TRAPPC9: variants seen among roughly 807,000 people sequenced by gnomAD.
TRAPPC9 encodes the protein IKK2 binding protein.
Under a neutral mutation model 124.0 loss-of-function variants are expected in TRAPPC9, and 83 were observed. The ratio of observed to expected loss-of-function variants is 0.67; its 90% CI spans 0.56 to 0.80. The LOEUF (loss-of-function observed/expected upper bound fraction) is 0.80. Among genes scored for constraint, TRAPPC9 ranks in the 30% least tolerant of loss-of-function variants. TRAPPC9 has a pLI of 0.00. For synonymous variants in TRAPPC9, 638 were observed against 617.5 expected (o/e 1.03, Z -0.49); for missense variants, 1,302 against 1,508.3 (o/e 0.86, Z 2.27).
intron 17 of TRAPPC9, among the ~76,000 whole-genome samples, chr8:140,206,944 G>C (rs1344731321): frequency 2.0e-5 from 3 of 152,090 alleles, no homozygotes; most frequent in Admixed American, 1.3e-4. Flanking sequence ...AGTCTGCTAC[G>C]CATGGGGAAA....
At chr8:140,105,963 G>A (rs1312852973) in intron 17 of TRAPPC9, among the ~76,000 whole-genome samples, 6 of 150,718 alleles carry the variant, frequency 4.0e-5, no homozygotes, top group South Asian at 4.2e-4. Flanking sequence ...GGACGAGAAC[G>A]AGCAATCAAA....
intron 21 of TRAPPC9, among the ~76,000 whole-genome samples, chr8:139,810,579 T>C (rs1824372922): frequency 6.6e-6 from 1 of 151,932 alleles, no homozygotes; most frequent in African/African-American, 2.4e-5. Flanking sequence ...CGTAAAGCTC[T>C]CCTCCTTCAA....
chr8:139,991,305 T>A (rs535940068), intron 18 of TRAPPC9, among the ~76,000 whole-genome samples: 42 of 152,362 alleles, frequency 2.8e-4, no homozygotes, highest in Non-Finnish European at 4.6e-4. Context: ...CAATACACAA[T>A]GCATTTCTGT....
At chr8:140,047,283 G>A (rs761077853) in intron 17 of TRAPPC9, among the ~76,000 whole-genome samples, 1 of 152,240 alleles carries the variant, frequency 6.6e-6, no homozygotes, top group Non-Finnish European at 1.5e-5. Flanking sequence ...TCAGAAACAC[G>A]CATGCAGAAG....
At chr8:140,397,059 T>A (rs563475784) in intron 7 of TRAPPC9, among the ~76,000 whole-genome samples, 2 of 152,198 alleles carry the variant, frequency 1.3e-5, no homozygotes, top group African/African-American at 4.8e-5. Flanking sequence ...AGTTTCCCTA[T>A]CTATAAAGAT....
chr8:139,968,455 C>A (rs867331125), intron 19 of TRAPPC9, among the ~76,000 whole-genome samples: 4 of 152,156 alleles, frequency 2.6e-5, no homozygotes, highest in Admixed American at 2.0e-4. Flanking sequence ...GGGACAAGGC[C>A]AGCAGGAACA....
At chr8:139,869,314 T>C (rs888298982) in intron 21 of TRAPPC9, among the ~76,000 whole-genome samples, 1 of 151,626 alleles carries the variant, frequency 6.6e-6, no homozygotes, top group Non-Finnish European at 1.5e-5. Context: ...AGGGATGAAA[T>C]AAGGGCAAAA....
chr8:140,224,342 C>T (rs2063399877), intron 16 of TRAPPC9, among the ~76,000 whole-genome samples: 1 of 152,220 alleles, frequency 6.6e-6, no homozygotes, highest in Admixed American at 6.5e-5. Context: ...GGGCTACTGT[C>T]TAGCAGAGGG....
intron 14 of TRAPPC9, among the ~76,000 whole-genome samples, chr8:140,276,477 C>G (rs1391009958): frequency 6.6e-6 from 1 of 152,180 alleles, no homozygotes; most frequent in Non-Finnish European, 1.5e-5. Context: ...GGCAGCCAAG[C>G]CAGATGAACG....
chr8:139,941,101 T>C (rs890100312), intron 19 of TRAPPC9, among the ~76,000 whole-genome samples: 3 of 152,186 alleles, frequency 2.0e-5, no homozygotes, highest in Non-Finnish European at 2.9e-5. Flanking sequence ...GAAATGCCTG[T>C]CTGGGCCTCA....
intron 21 of TRAPPC9, among the ~76,000 whole-genome samples, chr8:139,830,965 TGACA>T (rs1825952836): frequency 6.6e-6 from 1 of 152,252 alleles, no homozygotes; most frequent in African/African-American, 2.4e-5. Context: ...CCGCGCTGAC[TGACA>T]TTTACCCTGC....
At chr8:140,294,764 TG>T (rs1295290032) in intron 11 of TRAPPC9, among the ~76,000 whole-genome samples, 1 of 125,702 alleles carries the variant, frequency 8.0e-6, no homozygotes, top group East Asian at 1.9e-4. Context: ...TGCGCCACCA[TG>T]CCCGGCTAAA....
chr8:140,217,625 C>T (rs1024224786), intron 17 of TRAPPC9, among the ~76,000 whole-genome samples: 6 of 152,306 alleles, frequency 3.9e-5, no homozygotes, highest in African/African-American at 1.4e-4. Flanking sequence ...ACCTGCTCCC[C>T]AAAATTCCCG....
At chr8:140,383,021 G>T (rs112261474) in intron 7 of TRAPPC9, among the ~76,000 whole-genome samples, 1 of 152,232 alleles carries the variant, frequency 6.6e-6, no homozygotes, top group African/African-American at 2.4e-5. Flanking sequence ...TAGCTGTTCT[G>T]CAGCCTCCGC....
chr8:140,211,631 A>G (rs998714928), intron 17 of TRAPPC9, among the ~76,000 whole-genome samples: 1 of 152,266 alleles, frequency 6.6e-6, no homozygotes, highest in Admixed American at 6.5e-5. Context: ...AAGCTAAAGT[A>G]ACGTATTTTA....
intron 4 of TRAPPC9, among the ~76,000 whole-genome samples, chr8:140,430,163 T>C (rs945424811): frequency 6.7e-6 from 1 of 149,438 alleles, no homozygotes; most frequent in Non-Finnish European, 1.5e-5. Context: ...AAAAAAAAAA[T>C]GTTATCTGTT....
At chr8:140,121,442 T>C (rs890240875) in intron 17 of TRAPPC9, among the ~76,000 whole-genome samples, 9 of 152,156 alleles carry the variant, frequency 5.9e-5, no homozygotes, top group East Asian at 1.9e-4. Context: ...CACAGTCAGA[T>C]TGTCACTTAA....
chr8:140,171,186 T>C (rs1372862564), intron 17 of TRAPPC9, among the ~76,000 whole-genome samples: 2 of 152,186 alleles, frequency 1.3e-5, no homozygotes, highest in Non-Finnish European at 2.9e-5. Context: ...CATTTCTGGA[T>C]CTCTGGCTAA....
chr8:140,001,191 A>G lies in TRAPPC9; in HGVS notation c.2700-12355T>C, dbSNP rs189406053. Among the ~76,000 whole-genome samples, 170 of 152,266 alleles carry G rather than the reference A, an allele frequency of 1.1e-3. 1 individual carries two copies. The highest frequency in any genetic ancestry group is 3.6e-3 in the African/African-American group (150 of 41,560). ...GGTGGGAGTTGAACAATGAGAACAC[A>G]TGGACACAGGGTGGAGAACATCACA... On this transcript the variant is annotated intron_variant, in intron 18 of 22. Coordinates refer to ENST00000438773, the MANE Select transcript of TRAPPC9 (RefSeq NM_001160372.4).
Sources: gnomAD v4.1 joint callset for allele counts (sites outside exome capture counted in the v4.1 genomes callset) on GRCh38, gnomAD v4.1.1 for gene constraint, MANE v1.5 for transcripts, NCBI Gene and HGNC (gene_info 2026-07-23, HGNC 2026-07-21) for gene names.